Variants in MT3 observed in about 807,000 individuals in gnomAD.
The protein encoded by MT3 is metallothionein 3.
Under a neutral mutation model 10.9 loss-of-function variants are expected in MT3, and 8 were observed. The ratio of observed to expected loss-of-function variants is 0.73; its 90% confidence interval spans 0.43 to 1.33. The LOEUF is 1.33. MT3 is among the 40% of genes most tolerant of loss of function. MT3 has a pLI of 0.01. For missense variants in MT3, 75 were observed against 83.9 expected, an observed-to-expected ratio of 0.89 and a Z score of 0.41; for synonymous variants, 32 against 29.9, an observed-to-expected ratio of 1.07 and a Z score of -0.23.
At chr16:56,590,549 C>T (rs1959810277) in intron 2 of MT3, 1 of 496,178 alleles carries the variant, frequency 2.0e-6, no homozygotes, top group Admixed American at 3.3e-5. Context: ...TCCTTAAGGC[C>T]TAGTACCCAC....
chr16:56,590,541 C>A, intron 2 of MT3: 1 of 468,472 alleles, frequency 2.1e-6, no homozygotes, highest in Non-Finnish European at 3.9e-6. Flanking sequence ...ATGCTTTCTC[C>A]TTAAGGCCTA....
At position 56,589,858 on chromosome 16, in the gene MT3, C is replaced by T. The variant is rs750638334; in HGVS notation, c.32-12C>T. 1.2e-5 allele frequency: 20 copies of T among 1,613,936 alleles called. No individual in the cohort carries two copies. In the East Asian group the frequency reaches 4.0e-4, roughly 32 times the overall value. ...TCCACATTAACCCTTCCTGTGGCGT[C>T]GCCCTCTCTAGGTGGCTCCTGCACC... On this transcript the variant is annotated splice_polypyrimidine_tract_variant and intron_variant, in intron 1 of 2. Coordinates refer to ENST00000200691, the MANE Select transcript of MT3 (RefSeq NM_005954.4).
In MT3 at chr16:56,590,758, C is replaced by T. The variant is rs1179168198; in HGVS notation, c.98-82C>T. The T allele has an allele frequency of 2.8e-6, 4 of 1,404,582 alleles. No individual in the cohort carries two copies. The Admixed American group carries it at 5.9e-5, about 21-fold the overall frequency. 87.0% of individuals were successfully genotyped at this position (1,404,582 alleles called of 1,614,324 possible). A position where few individuals can be genotyped will look rare whatever the true frequency, so the allele number is the denominator to read the frequency against. On this transcript the variant is annotated intron_variant, in intron 2 of 2. Transcript: ENST00000200691. ...TGAATGAACCAGGATGACTCCCCAC[C>T]CAGCACCCTTCCCTCCCCTTTGATG...
At position 56,591,009 on chromosome 16, in the gene MT3, T is replaced by G; in HGVS notation, c.*60T>G. 4 of 1,411,712 alleles carry G rather than the reference T, an allele frequency of 2.8e-6. No homozygotes were observed. Among genetic ancestry groups the G allele is most frequent in the Non-Finnish European group, 4.0e-6 (4 of 1,010,724 alleles). 87.4% of individuals were successfully genotyped at this position (1,411,712 alleles called of 1,614,324 possible). On this transcript the variant is annotated 3_prime_UTR_variant, in exon 3 of 3. Transcript: ENST00000200691. The stretch of plus-strand genomic sequence containing the variant: ...GTGCCAGGTGGCTCAGTGCCACCTA[T>G]GCCTGTGGTGAAGTGTGGCTGGTGT...
Position 56,589,825 on chromosome 16 carries a change from C to A in MT3, c.32-45C>A, listed in dbSNP as rs764772971. Reference sequence around the variant, plus strand: ...TCTCCTCGTGACAGGCGTGGGGACCCGAGTTCGTCCACATTAACCCTTCCT... The same window carrying A: ...TCTCCTCGTGACAGGCGTGGGGACCAGAGTTCGTCCACATTAACCCTTCCT... On this transcript the variant is annotated intron_variant, in intron 1 of 2. Transcript: ENST00000200691. 4 of 1,609,060 alleles carry A rather than the reference C, an allele frequency of 2.5e-6. No homozygotes were observed. In the East Asian group the frequency reaches 8.9e-5, roughly 36 times the overall value.
rs1472219981 is a variant in MT3 at position 56,589,616 on chromosome 16, C to T, written c.26C>T (p.Pro9Leu). The T allele has an allele frequency of 3.7e-6, 6 of 1,605,804 alleles. No homozygotes were observed. Among genetic ancestry groups the T allele is most frequent in the African/African-American group, 2.7e-5 (2 of 74,930 alleles). The change falls in exon 1 of 3, where the codon CCT becomes CTT. Residue 9 changes from proline (P) to leucine (L), a missense_variant. Pro to Leu is a moderately conservative substitution (Grantham distance 98). Transcript: ENST00000200691. MDPETCPCPSGGSCTCADS... is the reference protein window; with the variant it reads MDPETCPCLSGGSCTCADS... Reference sequence around the variant, plus strand: ...ATGGACCCTGAGACCTGCCCCTGCCCTTCTGGTGAGCCCCCGCCCCCGCTC... The same window carrying T: ...ATGGACCCTGAGACCTGCCCCTGCCTTTCTGGTGAGCCCCCGCCCCCGCTC...
At chr16:56,590,425 G>A (rs1268120578) in intron 2 of MT3, 3 of 468,646 alleles carry the variant, frequency 6.4e-6, no homozygotes, top group African/African-American at 1.9e-5. Context: ...CCAGGCACAG[G>A]TCCCCACCGC....
chr16:56,589,829 T>A, intron 1 of MT3, 41 bp from the exon 2 acceptor site: 1 of 1,610,666 alleles, frequency 6.2e-7, no homozygotes, highest in Non-Finnish European at 8.5e-7. Flanking sequence ...GGGACCCGAG[T>A]TCGTCCACAT....
In MT3 at chr16:56,589,632, GC is replaced by G; in HGVS notation, c.31+16del. On this transcript the variant is annotated intron_variant, in intron 1 of 2. Coordinates refer to ENST00000200691, the MANE Select transcript of MT3 (RefSeq NM_005954.4). ...GCCCCTGCCCTTCTGGTGAGCCCCC[GC>G]CCCCGCTCGCATCCTGCGCACTGCG... is the stretch of plus-strand genomic sequence containing the variant. The G allele has an allele frequency of 6.2e-7, 1 of 1,604,998 alleles. No homozygotes were observed. The highest frequency in any genetic ancestry group is 1.1e-5 in the South Asian group (1 of 90,892).
intron 2 of MT3, chr16:56,590,137 G>A (rs1341134954): frequency 1.4e-6 from 1 of 706,126 alleles, no homozygotes; most frequent in Admixed American, 2.0e-5. Context: ...CGTGGGACGA[G>A]AGGTTTTTGT....
Position 56,589,900 on chromosome 16 carries a change from A to G in MT3, c.62A>G (p.Lys21Arg). The change falls in exon 2 of 3, where the codon AAG becomes AGG. Residue 21 changes from lysine (K) to arginine (R), a missense_variant. Lys to Arg is a conservative substitution (Grantham distance 26). Coordinates refer to ENST00000200691, the MANE Select transcript of MT3 (RefSeq NM_005954.4). ...TCCTGCACCTGCGCGGACTCCTGCA[A>G]GTGCGAGGGATGCAAATGCACCTCC... ...GGSCTCADSCKCEGCKCTSCK... is the reference protein window; with the variant it reads ...GGSCTCADSCRCEGCKCTSCK... The G allele has an allele frequency of 6.2e-7, 1 of 1,614,048 alleles. No homozygotes were observed. Among genetic ancestry groups the G allele is most frequent in the East Asian group, 2.2e-5 (1 of 44,856 alleles).
chr16:56,590,283 C>G (rs1959807361), intron 2 of MT3: 1 of 599,048 alleles, frequency 1.7e-6, no homozygotes, highest in Admixed American at 2.9e-5. Flanking sequence ...TCTGGAGTTC[C>G]GGTCCCTTGG....
rs1174298809 is a variant in MT3 at position 56,590,775 on chromosome 16, C to G, written c.98-65C>G. On this transcript the variant is annotated intron_variant, in intron 2 of 2. Transcript: ENST00000200691. ...CTCCCCACCCAGCACCCTTCCCTCC[C>G]CTTTGATGGGGACGAATTGGGGGAG... The G allele has an allele frequency of 7.9e-6, 12 of 1,519,312 alleles. No individual in the cohort carries two copies. In the East Asian group the frequency reaches 1.2e-4, roughly 15 times the overall value. 94.1% of individuals were successfully genotyped at this position (1,519,312 alleles called of 1,614,324 possible).
At chr16:56,590,052 G>A in intron 2 of MT3, 117 bp downstream of exon 2, 1 of 1,125,864 alleles carries the variant, frequency 8.9e-7, no homozygotes, top group Non-Finnish European at 1.3e-6. Context: ...TCTGACTCTT[G>A]CTGGAATAGA....
chr16:56,590,283 C>T (rs1959807361), intron 2 of MT3: 2 of 599,166 alleles, frequency 3.3e-6, no homozygotes, highest in Non-Finnish European at 3.0e-6. Flanking sequence ...TCTGGAGTTC[C>T]GGTCCCTTGG....
chr16:56,590,975 G>A lies in MT3; in HGVS notation c.*26G>A, dbSNP rs1459066630. On this transcript the variant is annotated 3_prime_UTR_variant, in exon 3 of 3. Transcript: ENST00000200691. ...GAAGGCACCCCTCCGTGTGGAGCAC[G>A]TGGAGATAGTGCCAGGTGGCTCAGT... 2.6e-5 allele frequency: 41 copies of A among 1,595,464 alleles called. No individual in the cohort carries two copies. Among genetic ancestry groups the A allele is most frequent in the Middle Eastern group, 1.7e-4 (1 of 5,966 alleles).
intron 2 of MT3, 132 bp from the exon 3 acceptor site, chr16:56,590,708 G>C: frequency 1.2e-6 from 1 of 817,500 alleles, no homozygotes; most frequent in East Asian, 2.7e-5. Context: ...GTGAGACTAA[G>C]AAGGGGGCTG....
chr16:56,590,788 C>T (rs1418555378), intron 2 of MT3, 52 bp from the exon 3 acceptor site: 12 of 1,559,372 alleles, frequency 7.7e-6, no homozygotes, highest in African/African-American at 5.4e-5. Context: ...TTGATGGGGA[C>T]GAATTGGGGG....
chr16:56,590,293 G>T (rs1959807585), intron 2 of MT3: 1 of 597,160 alleles, frequency 1.7e-6, no homozygotes, highest in East Asian at 2.8e-5. Context: ...CGGTCCCTTG[G>T]CCTCTCTCCG....
Sources: gnomAD v4.1 joint callset for allele counts on GRCh38, gnomAD v4.1.1 for gene constraint, MANE v1.5 for transcripts, NCBI Gene and HGNC (gene_info 2026-07-23, HGNC 2026-07-21) for gene names.